Variants in DACH1 observed in about 807,000 individuals in gnomAD.
The protein encoded by DACH1 is dachshund homolog 1.
A neutral mutation model predicts 54.2 loss-of-function variants in DACH1; 12 were observed. That is an observed-to-expected ratio of 0.22 (90% confidence interval 0.14 to 0.36). The LOEUF (loss-of-function observed/expected upper bound fraction) is 0.36. Among genes scored for constraint, DACH1 ranks in the 10% least tolerant of loss-of-function variants. The pLI is 1.00. For synonymous variants in DACH1, 386 were observed against 366.2 expected, an observed-to-expected ratio of 1.05 and a Z score of -0.62; for missense variants, 805 against 929.8, an observed-to-expected ratio of 0.87 and a Z score of 1.75.
At chr13:71,653,239 C>T (rs1878811117) in intron 2 of DACH1, among the ~76,000 whole-genome samples, 1 of 152,196 alleles carries the variant, frequency 6.6e-6, no homozygotes, top group Non-Finnish European at 1.5e-5. Context: ...AAAAGAAACA[C>T]ACTCTTCCAA....
chr13:71,787,211 C>T (rs1027111883), intron 1 of DACH1, among the ~76,000 whole-genome samples: 2 of 152,110 alleles, frequency 1.3e-5, no homozygotes, highest in African/African-American at 2.4e-5. Flanking sequence ...AGCGTGCTTA[C>T]ATTAAAAAGA....
chr13:71,758,244 G>GT (rs1360993472), intron 1 of DACH1, among the ~76,000 whole-genome samples: 2 of 152,130 alleles, frequency 1.3e-5, no homozygotes, highest in Non-Finnish European at 2.9e-5. Context: ...GGTGTCAGTT[G>GT]TGATGTGTGC....
intron 6 of DACH1, among the ~76,000 whole-genome samples, chr13:71,523,966 T>C (rs1881781176): frequency 6.6e-6 from 1 of 152,132 alleles, no homozygotes; most frequent in African/African-American, 2.4e-5. Flanking sequence ...TTTTAGTTTA[T>C]ATTCAGCAAG....
intron 6 of DACH1, among the ~76,000 whole-genome samples, chr13:71,528,025 T>C (rs1882128780): frequency 6.6e-6 from 1 of 152,200 alleles, no homozygotes; most frequent in Admixed American, 6.5e-5. Flanking sequence ...TATGCAAATG[T>C]AGATATGTTT....
At chr13:71,517,731 A>T (rs2026290) in intron 6 of DACH1, among the ~76,000 whole-genome samples, 12 of 151,898 alleles carry the variant, frequency 7.9e-5, no homozygotes, top group East Asian at 7.8e-4. Context: ...CACAACCAGA[A>T]GTCCTGAAGC....
At position 71,735,258 on chromosome 13, in the gene DACH1, T is replaced by TATATGGGATACAC. The variant is rs1883993861; in HGVS notation, c.849-53349_849-53348insGTGTATCCCATAT. ...GGGATACACGTATATGGGATATACG[T>TATATGGGATACAC]GTATATGGGATACACGTATGTATAT... is the stretch of plus-strand genomic sequence containing the variant. On this transcript the variant is annotated intron_variant, in intron 1 of 10. Transcript: ENST00000613252. Among the ~76,000 whole-genome samples, 2 of 47,404 alleles carry TATATGGGATACAC rather than the reference T, an allele frequency of 4.2e-5. 1 individual carries two copies. Among genetic ancestry groups the TATATGGGATACAC allele is most frequent in the Admixed American group, 5.2e-4 (2 of 3,876 alleles). The allele number at this position is 47,404 out of a possible 152,430, so 31.1% of individuals were successfully genotyped here.
At chr13:71,440,815 G>C in intron 10 of DACH1, 123 bp from the exon 11 acceptor site, 1 of 703,550 alleles carries the variant, frequency 1.4e-6, no homozygotes. Context: ...TGGTTAAGAA[G>C]TAACATTTTT....
At chr13:71,779,263 G>A (rs573983368) in intron 1 of DACH1, among the ~76,000 whole-genome samples, 812 of 57,862 alleles carry the variant, frequency 0.014, 28 homozygotes, top group African/African-American at 0.088. Context: ...ACGTATATAT[G>A]TGTATATATA....
intron 6 of DACH1, among the ~76,000 whole-genome samples, chr13:71,554,072 T>G (rs543294335): frequency 6.6e-6 from 1 of 152,172 alleles, no homozygotes; most frequent in East Asian, 1.9e-4. Flanking sequence ...TGAAGTTATC[T>G]GTTTGATAGA....
Position 71,469,666 on chromosome 13 carries a change from A to T in DACH1, c.2083+5475T>A, listed in dbSNP as rs117911549. Among the ~76,000 whole-genome samples the T allele has an allele frequency of 6.1e-3, 924 of 152,272 alleles. 6 individuals are homozygous for T. Among genetic ancestry groups the T allele is most frequent in the Middle Eastern group, 0.014 (4 of 294 alleles). ...TATTTTATCTTAAAGTCCTTTCCCA[A>T]TGTTAAAGCAGTTACATAAAAGTGT... On this transcript the variant is annotated intron_variant, in intron 10 of 10. Coordinates refer to ENST00000613252, the MANE Select transcript of DACH1 (RefSeq NM_080759.6).
At chr13:71,723,415 A>G (rs1883318925) in intron 1 of DACH1, among the ~76,000 whole-genome samples, 1 of 152,112 alleles carries the variant, frequency 6.6e-6, no homozygotes, top group Non-Finnish European at 1.5e-5. Context: ...TCCTATCTAA[A>G]AAATAAAATA....
At chr13:71,856,601 A>T (rs1195450809) in intron 1 of DACH1, among the ~76,000 whole-genome samples, 4 of 151,952 alleles carry the variant, frequency 2.6e-5, no homozygotes, top group Non-Finnish European at 5.9e-5. Flanking sequence ...TACTGTGTAC[A>T]AGGTTTTATA....
intron 6 of DACH1, among the ~76,000 whole-genome samples, chr13:71,541,735 T>C (rs903020398): frequency 1.2e-4 from 18 of 152,036 alleles, no homozygotes; most frequent in African/African-American, 4.3e-4. Context: ...GTTAAATTCT[T>C]GTTATTAAAG....
At chr13:71,711,486 A>AT (rs1200864957) in intron 1 of DACH1, among the ~76,000 whole-genome samples, 1 of 152,118 alleles carries the variant, frequency 6.6e-6, no homozygotes, top group East Asian at 1.9e-4. Context: ...CTGCTACCTG[A>AT]TTCGGTTACT....
chr13:71,659,867 T>C (rs892735134), intron 2 of DACH1, among the ~76,000 whole-genome samples: 5 of 152,178 alleles, frequency 3.3e-5, no homozygotes, highest in Non-Finnish European at 5.9e-5. Context: ...TGTCTGATTT[T>C]ACAGCATTAG....
chr13:71,496,197 C>A (rs899114501), intron 6 of DACH1, among the ~76,000 whole-genome samples: 1 of 147,024 alleles, frequency 6.8e-6, no homozygotes, highest in African/African-American at 2.5e-5. Context: ...GAGATGGCAC[C>A]ACTGCACTCC....
At chr13:71,635,749 C>T (rs558943601) in intron 2 of DACH1, among the ~76,000 whole-genome samples, 1 of 152,032 alleles carries the variant, frequency 6.6e-6, no homozygotes, top group South Asian at 2.1e-4. Flanking sequence ...TTTGAATTGT[C>T]TTATACTACA....
chr13:71,726,999 A>G (rs1193278228), intron 1 of DACH1, among the ~76,000 whole-genome samples: 1 of 152,096 alleles, frequency 6.6e-6, no homozygotes. Flanking sequence ...TTTCTATGTA[A>G]AATGAAACAA....
At chr13:71,799,772 A>G (rs1414184346) in intron 1 of DACH1, among the ~76,000 whole-genome samples, 1 of 152,112 alleles carries the variant, frequency 6.6e-6, no homozygotes, top group Non-Finnish European at 1.5e-5. Context: ...TGCAGAATGT[A>G]TTTTGGAAGA....
Sources: allele counts gnomAD v4.1 joint callset (sites outside exome capture counted in the v4.1 genomes callset), GRCh38; gene constraint gnomAD v4.1.1; transcripts MANE v1.5; gene names NCBI Gene and HGNC (gene_info 2026-07-23, HGNC 2026-07-21).